Variants in ZBTB21 observed in about 807,000 individuals in gnomAD.
ZBTB21 encodes the protein zinc finger and BTB domain-containing protein 21.
In ZBTB21, 10 loss-of-function variants were observed where a neutral mutation model predicts 39.8. The observed-to-expected ratio is 0.25, with a 90% CI of 0.16 to 0.43. ZBTB21 has a LOEUF of 0.43. Ranked by LOEUF, ZBTB21 falls within the 20% of genes least tolerant of loss-of-function variation. ZBTB21 has a pLI of 1.00. For synonymous variants in ZBTB21, 551 were observed against 498.8 expected (o/e 1.10, Z -1.40); for missense variants, 1,221 against 1,296.3 (o/e 0.94, Z 0.89).
rs1417222541 is a variant in ZBTB21, at chr21:41,994,141, T to C, written c.-13-33A>G. The C allele has an allele frequency of 7.9e-6, 12 of 1,522,698 alleles. No homozygotes were observed. In the South Asian group the frequency reaches 1.2e-4, roughly 15 times the overall value. The allele number at this position is 1,522,698 out of a possible 1,614,324, so 94.3% of individuals were successfully genotyped here. On this transcript the variant is annotated intron_variant, in intron 2 of 2. Transcript: ENST00000310826. ...ACAAAATGTAAAATTACTACAGATA[T>C]TGCAGTGAAAAGTTCCCCTGGCTCC...
At position 41,991,054 on chromosome 21, in the gene ZBTB21, G is replaced by C; in HGVS notation, c.3042C>G (p.Ala1014=). The change falls in exon 3 of 3, where the codon GCC becomes GCG. Residue 1014 remains alanine (A), a synonymous_variant. Coordinates refer to ENST00000310826, the MANE Select transcript of ZBTB21 (RefSeq NM_001098402.2). The surrounding 1 kb of genome is among the most constrained non-coding windows in gnomAD (Gnocchi z 4.9). ...PTGLSENPTP[A]TEKLFVPQES... ...CTTGGGGCACAAACAGTTTTTCTGT[G>C]GCTGGAGTTGGGTTTTCGGACAGGC... 1 of 1,590,404 alleles carries C rather than the reference G, an allele frequency of 6.3e-7. No homozygotes were observed. The highest frequency in any genetic ancestry group is 8.6e-7 in the Non-Finnish European group (1 of 1,169,032).
In ZBTB21 at chr21:41,991,814, T is replaced by C; in HGVS notation, c.2282A>G (p.Glu761Gly). ...PYCSLRFFSPELKQEHESKCE... is the reference protein window; with the variant it reads ...PYCSLRFFSPGLKQEHESKCE... ...CTTGCTCTCGTGTTCTTGCTTCAGCTCGGGCGAGAAAAACCTGAGGCTGCA... is the reference window on the plus strand; with the variant it reads ...CTTGCTCTCGTGTTCTTGCTTCAGCCCGGGCGAGAAAAACCTGAGGCTGCA... The change falls in exon 3 of 3, where the codon GAG (glutamate) becomes GGG (glycine). Residue 761 changes from glutamate to glycine, a missense_variant. By Grantham distance (98) the Glu-to-Gly change is moderately conservative. Coordinates refer to ENST00000310826, the MANE Select transcript of ZBTB21 (RefSeq NM_001098402.2). This position sits in a 1 kb window ranked among gnomAD's most constrained non-coding sequence, Gnocchi z 4.9. The C allele has an allele frequency of 6.2e-7, 1 of 1,614,204 alleles. No homozygotes were observed.
chr21:41,992,942 G>C lies in ZBTB21; in HGVS notation c.1154C>G (p.Ser385Cys), dbSNP rs1309526242. Residue 385 changes from serine (S) to cysteine (C), a missense_variant, in exon 3 of 3, where the codon TCT becomes TGT. This residue lies in a region of ZBTB21 where 500 missense variants were observed against 465.6 expected (regional missense o/e 1.07). Coordinates refer to ENST00000310826, the MANE Select transcript of ZBTB21 (RefSeq NM_001098402.2). The surrounding 1 kb of genome is among the most constrained non-coding windows in gnomAD (Gnocchi z 4.1). ...NVLCALSQKS[S>C]LKDCSEKTAL... is the part of the protein sequence containing the mutation. ...TGTTTTTTCACTACAATCTTTTAAAGATGACTTCTGAGATAAAGCACACAA... is the reference window on the plus strand; with the variant it reads ...TGTTTTTTCACTACAATCTTTTAAACATGACTTCTGAGATAAAGCACACAA... 1 of 1,614,188 alleles carries C rather than the reference G, an allele frequency of 6.2e-7. No individual in the cohort carries two copies. Among genetic ancestry groups the C allele is most frequent in the South Asian group, 1.1e-5 (1 of 91,078 alleles).
Position 41,987,028 on chromosome 21 carries a change from T to G in ZBTB21, c.*3867A>C, listed in dbSNP as rs1044768184. ...AAATGACTTACTCTGCTAAGGCATA[T>G]GACAAAATACACAGAATTATAAAAC... On this transcript the variant is annotated 3_prime_UTR_variant, in exon 3 of 3. Transcript: ENST00000310826. The G allele has an allele frequency of 6.6e-6, 1 of 152,656 alleles. No homozygotes were observed. The highest frequency in any genetic ancestry group is 6.5e-5 in the Admixed American group (1 of 15,282). The allele number at this position is 152,656 out of a possible 1,614,324, so 9.5% of individuals were successfully genotyped here. A position where few individuals can be genotyped will look rare whatever the true frequency, so the allele number is the denominator to read the frequency against.
rs1243033020 is a variant in ZBTB21, at chr21:41,987,718, C to T, written c.*3177G>A. On this transcript the variant is annotated 3_prime_UTR_variant, in exon 3 of 3. Transcript: ENST00000310826. ...CAGATTACAGTTGTATACACACATG[C>T]ATGCATGTGTGTACAAACCCAATTT... 1.3e-5 allele frequency: 2 copies of T among 151,830 alleles called. No homozygotes were observed. The highest frequency in any genetic ancestry group is 1.9e-4 in the East Asian group (1 of 5,194). The allele number at this position is 151,830 out of a possible 1,614,324, so 9.4% of individuals were successfully genotyped here.
intron 2 of ZBTB21, among the ~76,000 whole-genome samples, chr21:42,000,820 C>T (rs918457642): frequency 6.6e-6 from 1 of 152,172 alleles, no homozygotes; most frequent in Non-Finnish European, 1.5e-5. Context: ...GGATTTAAAA[C>T]TTAACTTTCC....
rs1387467282 is a variant in ZBTB21 at position 41,992,762 on chromosome 21, C to T, written c.1334G>A (p.Arg445His). Reference protein sequence around the residue: ...SPLSDPSDIIRVTVGDAATTA... With the variant: ...SPLSDPSDIIHVTVGDAATTA... ...TGTTGCCGCATCTCCCACAGTGACGCGGATGATGTCCGAGGGGTCCGACAG... is the reference window on the plus strand; with the variant it reads ...TGTTGCCGCATCTCCCACAGTGACGTGGATGATGTCCGAGGGGTCCGACAG... Residue 445 changes from arginine to histidine, a missense_variant, in exon 3 of 3, where the codon CGC (arginine) becomes CAC (histidine). Arg to His is a conservative substitution (Grantham distance 29). Coordinates refer to ENST00000310826, the MANE Select transcript of ZBTB21 (RefSeq NM_001098402.2). The surrounding 1 kb of genome is among the most constrained non-coding windows in gnomAD (Gnocchi z 4.1). 60 of 1,614,010 alleles carry T rather than the reference C, an allele frequency of 3.7e-5. No individual in the cohort carries two copies. Among genetic ancestry groups the T allele is most frequent in the Non-Finnish European group, 4.7e-5 (56 of 1,180,050 alleles).
At chr21:42,006,725 G>A (rs187445230) in intron 1 of ZBTB21, among the ~76,000 whole-genome samples, 56 of 152,288 alleles carry the variant, frequency 3.7e-4, no homozygotes, top group Middle Eastern at 6.8e-3. Context: ...TCCAGTACCT[G>A]GAGAATGTAG....
rs1356799383 is a variant in ZBTB21, at chr21:41,989,064, A to T, written c.*1831T>A. 1.3e-5 allele frequency: 2 copies of T among 152,176 alleles called. No homozygotes were observed. The highest frequency in any genetic ancestry group is 3.8e-4 in the East Asian group (2 of 5,206). The allele number at this position is 152,176 out of a possible 1,614,324, so 9.4% of individuals were successfully genotyped here. On this transcript the variant is annotated 3_prime_UTR_variant, in exon 3 of 3. Coordinates refer to ENST00000310826, the MANE Select transcript of ZBTB21 (RefSeq NM_001098402.2). The stretch of plus-strand genomic sequence containing the variant: ...CCATATGCTTTAGTTTTATCCTTAA[A>T]ATGCATAGATTTCTTTAAGAAAACA...
chr21:42,003,642 G>C (rs1214025486), intron 1 of ZBTB21, among the ~76,000 whole-genome samples: 1 of 152,190 alleles, frequency 6.6e-6, no homozygotes, highest in East Asian at 1.9e-4. Flanking sequence ...AGGCTCATTA[G>C]AGCATTTTGG....
intron 2 of ZBTB21, among the ~76,000 whole-genome samples, chr21:41,998,106 A>C (rs1013455272): frequency 2.0e-5 from 3 of 152,136 alleles, no homozygotes. Context: ...GATGCAGACA[A>C]AGCCATTTCA....
At position 41,993,546 on chromosome 21, in the gene ZBTB21, C is replaced by A. The variant is rs1179703372; in HGVS notation, c.550G>T (p.Ala184Ser). 4 of 1,614,100 alleles carry A rather than the reference C, an allele frequency of 2.5e-6. No individual in the cohort carries two copies. The African/African-American group carries it at 4.0e-5, about 16-fold the overall frequency. The change falls in exon 3 of 3, where the codon GCC (alanine) becomes TCC (serine). Residue 184 changes from alanine (A) to serine (S), a missense_variant. Physicochemically the swap from Ala to Ser is moderately conservative, Grantham distance 99 (BLOSUM62 1). This residue lies in a region of ZBTB21 where 500 missense variants were observed against 465.6 expected (regional missense o/e 1.07). Transcript: ENST00000310826. ...GGGACATGTGGCTTATTGGTATTGG[C>A]CTTGACTGCAATGCTAGGAGAGGGC... ...SRPSPSIAVK[A>S]NTNKPHVPKP... is the part of the protein sequence containing the mutation.
chr21:41,990,827 T>C lies in ZBTB21; in HGVS notation c.*68A>G. On this transcript the variant is annotated 3_prime_UTR_variant, in exon 3 of 3. Coordinates refer to ENST00000310826, the MANE Select transcript of ZBTB21 (RefSeq NM_001098402.2). ...CTTGTTTAAAAAATATTTTGTTTCT[T>C]ATGACACATTTCACAATTCAGGTTG... The C allele has an allele frequency of 7.3e-7, 1 of 1,365,526 alleles. No homozygotes were observed. Among genetic ancestry groups the C allele is most frequent in the Non-Finnish European group, 9.6e-7 (1 of 1,040,074 alleles). 84.6% of individuals were successfully genotyped at this position (1,365,526 alleles called of 1,614,324 possible). A position where few individuals can be genotyped will look rare whatever the true frequency, so the allele number is the denominator to read the frequency against.
intron 1 of ZBTB21, 39 bp downstream of exon 1, chr21:42,010,213 C>T: frequency 2.5e-6 from 1 of 396,824 alleles, no homozygotes; most frequent in Non-Finnish European, 4.4e-6. Context: ...CAAGGAGCCC[C>T]GCAGTTCTCC....
rs532170692 is a variant in ZBTB21 at position 41,993,928 on chromosome 21, C to A, written c.168G>T (p.Gln56His). The change falls in exon 3 of 3, where the codon CAG becomes CAT. Residue 56 changes from glutamine to histidine, a missense_variant. Around this residue, in one of 4 missense-constraint regions of ZBTB21, gnomAD observed 108 missense variants for 155.0 expected, o/e 0.70. Transcript: ENST00000310826. ...NVLAASSEYF[Q>H]SLFTNKENES... ...CATTTTCCTTATTTGTGAATAAACT[C>A]TGAAAGTATTCGCTGCTGGCAGCCA... The A allele has an allele frequency of 9.9e-6, 16 of 1,614,218 alleles. 1 individual carries two copies. The South Asian group carries it at 1.6e-4, about 17-fold the overall frequency.
chr21:41,992,083 A>T lies in ZBTB21; in HGVS notation c.2013T>A (p.Ile671=). Residue 671 remains isoleucine (I), a synonymous_variant, in exon 3 of 3, where the codon ATT becomes ATA. Coordinates refer to ENST00000310826, the MANE Select transcript of ZBTB21 (RefSeq NM_001098402.2). This position sits in a 1 kb window ranked among gnomAD's most constrained non-coding sequence, Gnocchi z 4.1. ...NLRSRAKGAY[I]CTYCGKAYRF... The stretch of plus-strand genomic sequence containing the variant: ...GGTACGCTTTTCCGCAGTAAGTACA[A>T]ATGTAAGCTCCTTTGGCTCGAGATC... The T allele has an allele frequency of 6.2e-7, 1 of 1,614,208 alleles. No homozygotes were observed. The highest frequency in any genetic ancestry group is 8.5e-7 in the Non-Finnish European group (1 of 1,180,036).
intron 1 of ZBTB21, among the ~76,000 whole-genome samples, chr21:42,004,503 G>C (rs2065855619): frequency 6.6e-6 from 1 of 151,966 alleles, no homozygotes; most frequent in African/African-American, 2.4e-5. Flanking sequence ...GGTGAGTGAG[G>C]GGGTGAGAAA....
Position 41,991,044 on chromosome 21 carries a change from G to GTT in ZBTB21, c.3050_3051dup (p.Leu1018AsnfsTer80), listed in dbSNP as rs1569100626. The GTT allele has an allele frequency of 6.3e-7, 1 of 1,588,296 alleles. No homozygotes were observed. The highest frequency in any genetic ancestry group is 8.6e-7 in the Non-Finnish European group (1 of 1,168,226). Reference sequence around the variant, plus strand: ...GTGTCTGATTCTTGGGGCACAAACAGTTTTTCTGTGGCTGGAGTTGGGTTT... The same window carrying GTT: ...GTGTCTGATTCTTGGGGCACAAACAGTTTTTTTCTGTGGCTGGAGTTGGGTTT... On this transcript the variant is annotated frameshift_variant, in exon 3 of 3. Coordinates refer to ENST00000310826, the MANE Select transcript of ZBTB21 (RefSeq NM_001098402.2). LOFTEE classifies it high-confidence loss of function. This position sits in a 1 kb window ranked among gnomAD's most constrained non-coding sequence, Gnocchi z 4.9.
chr21:41,993,031 A>G lies in ZBTB21; in HGVS notation c.1065T>C (p.Pro355=), dbSNP rs1203995310. 1 of 1,614,220 alleles carries G rather than the reference A, an allele frequency of 6.2e-7. No homozygotes were observed. The highest frequency in any genetic ancestry group is 1.1e-5 in the South Asian group (1 of 91,086). ...SMDSQVPVYS[P]SIDLKSSQGS... ...CCTGGGAAGATTTCAAATCTATGGA[A>G]GGTGAATAGACAGGAACCTGGCTAT... The change falls in exon 3 of 3, where the codon CCT becomes CCC. Residue 355 remains proline (P), a synonymous_variant. Transcript: ENST00000310826.
Sources: allele counts gnomAD v4.1 joint callset (sites outside exome capture counted in the v4.1 genomes callset), GRCh38; gene constraint gnomAD v4.1.1; regional missense constraint gnomAD v4.1.1; non-coding constraint Gnocchi (gnomAD v3.1); transcripts MANE v1.5; gene names NCBI Gene and HGNC (gene_info 2026-07-23, HGNC 2026-07-21).